LTBP1: variants seen among roughly 807,000 people sequenced by gnomAD.
The protein encoded by LTBP1 is latent transforming growth factor beta binding protein 1.
In LTBP1, 129 loss-of-function variants were observed where a neutral mutation model predicts 207.6. The ratio of observed to expected loss-of-function variants is 0.62; its 90% confidence interval spans 0.54 to 0.72. LTBP1 has a LOEUF of 0.72. Ranked by LOEUF, LTBP1 falls within the 30% of genes least tolerant of loss-of-function variation. LTBP1 has a pLI of 0.00. For missense variants in LTBP1, 2,281 were observed against 2,217.2 expected (o/e 1.03, Z -0.58); for synonymous variants, 963 against 833.7 (o/e 1.16, Z -2.67).
chr2:33,098,188 C>G (rs1272120313), intron 3 of LTBP1, among the ~76,000 whole-genome samples: 1 of 152,076 alleles, frequency 6.6e-6, no homozygotes, highest in Non-Finnish European at 1.5e-5. Context: ...TTGCCTTTTC[C>G]TCAGTACTGG....
At chr2:32,996,207 GA>G (rs1286332298) in intron 2 of LTBP1, among the ~76,000 whole-genome samples, 1 of 152,180 alleles carries the variant, frequency 6.6e-6, no homozygotes, top group Non-Finnish European at 1.5e-5. Flanking sequence ...TGGAGGCTGG[GA>G]AGTCAAGATC....
At chr2:33,340,257 CAAAAA>C (rs1198759101) in intron 24 of LTBP1, among the ~76,000 whole-genome samples, 8 of 89,930 alleles carry the variant, frequency 8.9e-5, no homozygotes, top group African/African-American at 8.7e-5. Context: ...GACTCTGTCT[CAAAAA>C]AAAAAAAAAA....
At chr2:33,311,702 ATTT>A (rs2149198714) in intron 23 of LTBP1, among the ~76,000 whole-genome samples, 1 of 152,322 alleles carries the variant, frequency 6.6e-6, no homozygotes, top group East Asian at 1.9e-4. Flanking sequence ...TATTGCATAA[ATTT>A]AACTTCTAGA....
chr2:32,953,175 G>C (rs537437262), intron 2 of LTBP1, among the ~76,000 whole-genome samples: 52 of 152,316 alleles, frequency 3.4e-4, no homozygotes, highest in African/African-American at 1.2e-3. Context: ...TATATGCAAA[G>C]GAGACAGAGT....
chr2:33,339,413 CAT>C (rs1018062639), intron 24 of LTBP1, among the ~76,000 whole-genome samples: 1 of 152,074 alleles, frequency 6.6e-6, no homozygotes. Flanking sequence ...CAATGAATAA[CAT>C]AAATAATCTC....
At chr2:33,035,479 C>G (rs1458660951) in intron 3 of LTBP1, among the ~76,000 whole-genome samples, 2 of 152,146 alleles carry the variant, frequency 1.3e-5, no homozygotes, top group Non-Finnish European at 2.9e-5. Flanking sequence ...AGAGAGCAAG[C>G]TTGAAATGGG....
chr2:33,362,556 G>T (rs2094938653), intron 28 of LTBP1, among the ~76,000 whole-genome samples: 1 of 152,024 alleles, frequency 6.6e-6, no homozygotes, highest in Non-Finnish European at 1.5e-5. Flanking sequence ...TATTTTAGCA[G>T]TGCTGTAAAT....
At chr2:33,087,231 A>G (rs2078818781) in intron 3 of LTBP1, among the ~76,000 whole-genome samples, 1 of 151,286 alleles carries the variant, frequency 6.6e-6, no homozygotes. Context: ...GTGCCTGGCT[A>G]CTTTAAAAAA....
intron 20 of LTBP1, among the ~76,000 whole-genome samples, chr2:33,299,682 A>G (rs949314801): frequency 1.3e-5 from 2 of 152,226 alleles, no homozygotes; most frequent in African/African-American, 4.8e-5. Flanking sequence ...AGGTCGGACC[A>G]ATATAATGGC....
intron 31 of LTBP1, 88 bp downstream of exon 31, chr2:33,365,591 T>C (rs1278067947): frequency 4.5e-6 from 6 of 1,319,386 alleles, no homozygotes; most frequent in Admixed American, 4.0e-5. Flanking sequence ...CTCTTCTGTA[T>C]CTTTGCCTTC....
At chr2:33,272,004 A>C (rs1042522291) in intron 15 of LTBP1, among the ~76,000 whole-genome samples, 1 of 152,246 alleles carries the variant, frequency 6.6e-6, no homozygotes, top group African/African-American at 2.4e-5. Flanking sequence ...GACTCACAAA[A>C]GGTATAAGTA....
intron 14 of LTBP1, among the ~76,000 whole-genome samples, 184 bp downstream of exon 14, chr2:33,263,005 A>G (rs2093062246): frequency 6.7e-6 from 1 of 149,532 alleles, no homozygotes; most frequent in Non-Finnish European, 1.5e-5. Context: ...TGTAGTGGGA[A>G]AGATAGGTTT....
At chr2:33,056,464 C>A in intron 3 of LTBP1, 1 of 901,572 alleles carries the variant, frequency 1.1e-6, no homozygotes. Context: ...TTGCAAATTG[C>A]CAGCTGGAGG....
intron 7 of LTBP1, among the ~76,000 whole-genome samples, chr2:33,193,229 C>T (rs954420080): frequency 1.3e-5 from 2 of 152,172 alleles, no homozygotes; most frequent in Admixed American, 6.5e-5. Flanking sequence ...GCAACCTCTG[C>T]CTCCCTGGTT....
At chr2:33,180,832 A>C (rs2086549333) in intron 5 of LTBP1, among the ~76,000 whole-genome samples, 1 of 152,154 alleles carries the variant, frequency 6.6e-6, no homozygotes, top group Non-Finnish European at 1.5e-5. Context: ...TGTTATCCTA[A>C]AGCAGAATGG....
intron 18 of LTBP1, among the ~76,000 whole-genome samples, chr2:33,279,668 T>C (rs1312653400): frequency 6.6e-6 from 1 of 152,194 alleles, no homozygotes; most frequent in Non-Finnish European, 1.5e-5. Flanking sequence ...GATACATAGC[T>C]TCCTCACACT....
At chr2:33,081,341 C>T (rs2078384917) in intron 3 of LTBP1, among the ~76,000 whole-genome samples, 1 of 151,980 alleles carries the variant, frequency 6.6e-6, no homozygotes, top group Admixed American at 6.6e-5. Context: ...GTCCTAAACT[C>T]CATCAATACC....
intron 5 of LTBP1, among the ~76,000 whole-genome samples, chr2:33,142,652 G>A (rs188078270): frequency 1.4e-4 from 22 of 152,076 alleles, no homozygotes; most frequent in African/African-American, 1.9e-4. Context: ...GCAGTGGGGC[G>A]GGGGGCAGAG....
chr2:32,961,661 A>G (rs1313657689), intron 2 of LTBP1, among the ~76,000 whole-genome samples: 1 of 152,168 alleles, frequency 6.6e-6, no homozygotes, highest in Non-Finnish European at 1.5e-5. Context: ...GCTTCACAAA[A>G]GGGGCCGGGT....
Sources: allele counts gnomAD v4.1 joint callset (sites outside exome capture counted in the v4.1 genomes callset), GRCh38; gene constraint gnomAD v4.1.1; transcripts MANE v1.5; gene names NCBI Gene and HGNC (gene_info 2026-07-23, HGNC 2026-07-21).